Variants in RASSF3 observed in about 807,000 individuals in gnomAD.
RASSF3 encodes the protein ras association domain-containing protein 3.
Under a neutral mutation model 19.9 loss-of-function variants are expected in RASSF3, and 19 were observed. The observed-to-expected ratio is 0.96, with a 90% CI of 0.67 to 1.40. The LOEUF is 1.40. RASSF3 is among the 40% of genes most tolerant of loss of function. The probability of loss-of-function intolerance (pLI) is 0.00; values close to 1 mark genes in which losing one functional copy is unlikely to be tolerated. For synonymous variants in RASSF3, 110 were observed against 104.2 expected (o/e 1.06, Z -0.34); for missense variants, 306 against 289.8 (o/e 1.06, Z -0.41).
chr12:64,666,058 T>C (rs528765614), intron 1 of RASSF3, among the ~76,000 whole-genome samples: 1 of 152,362 alleles, frequency 6.6e-6, no homozygotes, highest in African/African-American at 2.4e-5. Context: ...TAGAAAGTAA[T>C]GAAAGGAAAA....
chr12:64,528,621 A>T (rs1348875309), upstream of RASSF3, among the ~76,000 whole-genome samples: 1 of 152,238 alleles, frequency 6.6e-6, no homozygotes, highest in Admixed American at 6.5e-5. Context: ...AAGAAACCTT[A>T]TGTATTAAAT....
chr12:64,570,466 T>C (rs1480810720), intron 2 of RASSF3, among the ~76,000 whole-genome samples: 2 of 152,202 alleles, frequency 1.3e-5, no homozygotes, highest in Non-Finnish European at 2.9e-5. Flanking sequence ...TCATTTCTGA[T>C]TTATGAATTC....
chr12:64,618,986 A>G (rs1232993807), intron 1 of RASSF3, among the ~76,000 whole-genome samples: 1 of 152,246 alleles, frequency 6.6e-6, no homozygotes, highest in Non-Finnish European at 1.5e-5. Context: ...ACATGTTGAA[A>G]TGATAATATT....
chr12:64,578,660 A>G (rs1465034657), intron 2 of RASSF3, among the ~76,000 whole-genome samples: 1 of 152,176 alleles, frequency 6.6e-6, no homozygotes, highest in Admixed American at 6.6e-5. Flanking sequence ...AGCAATAGAT[A>G]ATTAAATTGA....
intron 2 of RASSF3, among the ~76,000 whole-genome samples, chr12:64,561,718 T>C (rs1484200868): frequency 6.8e-6 from 1 of 147,524 alleles, no homozygotes; most frequent in Non-Finnish European, 1.5e-5. Context: ...CATTTATCTT[T>C]TTTTTTTTTT....
intron 1 of RASSF3, among the ~76,000 whole-genome samples, chr12:64,522,071 C>A (rs1471799631): frequency 6.6e-6 from 1 of 152,140 alleles, no homozygotes; most frequent in African/African-American, 2.4e-5. Context: ...GCACGGTAAA[C>A]TTTTTTGGAA....
chr12:64,574,145 A>G (rs1488981598), intron 2 of RASSF3, among the ~76,000 whole-genome samples: 2 of 151,592 alleles, frequency 1.3e-5, no homozygotes, highest in Non-Finnish European at 2.9e-5. Context: ...TCTACTAAAA[A>G]AAAAAAAATA....
intron 1 of RASSF3, among the ~76,000 whole-genome samples, chr12:64,526,149 T>C (rs1868581663): frequency 6.6e-6 from 1 of 152,258 alleles, no homozygotes; most frequent in East Asian, 1.9e-4. Context: ...GAAGGGACTA[T>C]GTATCTACAT....
At chr12:64,625,760 T>A (rs1401481152) in intron 1 of RASSF3, among the ~76,000 whole-genome samples, 1 of 152,072 alleles carries the variant, frequency 6.6e-6, no homozygotes, top group African/African-American at 2.4e-5. Flanking sequence ...CTGTTCTCTC[T>A]CCACAGAGTG....
intron 1 of RASSF3, among the ~76,000 whole-genome samples, chr12:64,672,864 A>G (rs1419635545): frequency 6.6e-6 from 1 of 152,036 alleles, no homozygotes; most frequent in Non-Finnish European, 1.5e-5. Context: ...TCTCCCTTCA[A>G]ATTAGGTTTC....
chr12:64,548,905 G>A (rs796216614), intron 2 of RASSF3, among the ~76,000 whole-genome samples: 144 of 152,318 alleles, frequency 9.5e-4, no homozygotes, highest in African/African-American at 3.3e-3. Flanking sequence ...TTAAGACTCA[G>A]AGGTTAGTAA....
chr12:64,649,553 G>T (rs1433609720), intron 1 of RASSF3, among the ~76,000 whole-genome samples: 4 of 152,186 alleles, frequency 2.6e-5, no homozygotes, highest in African/African-American at 7.2e-5. Flanking sequence ...CACTCTGCAG[G>T]TAAGAAGCAG....
intron 2 of RASSF3, among the ~76,000 whole-genome samples, chr12:64,585,233 T>C (rs17763843): frequency 0.34 from 52,011 of 151,982 alleles, 10,985 homozygotes; most frequent in Non-Finnish European, 0.47. Flanking sequence ...TTAAAATCCC[T>C]ACTTCCCTAA....
intron 1 of RASSF3, among the ~76,000 whole-genome samples, chr12:64,647,561 C>A (rs936405785): frequency 6.6e-6 from 1 of 152,052 alleles, no homozygotes; most frequent in Non-Finnish European, 1.5e-5. Flanking sequence ...CAGGCATCCA[C>A]CACCACGCCC....
chr12:64,549,687 C>T (rs909370870), intron 2 of RASSF3, among the ~76,000 whole-genome samples: 4 of 152,162 alleles, frequency 2.6e-5, no homozygotes, highest in Admixed American at 2.6e-4. Context: ...CGGCCAGCAG[C>T]CAGCACAGCC....
intron 4 of RASSF3, among the ~76,000 whole-genome samples, chr12:64,694,237 G>A (rs531398902): frequency 6.6e-6 from 1 of 152,248 alleles, no homozygotes; most frequent in Non-Finnish European, 1.5e-5. Context: ...AACAGATGGG[G>A]GAGCATAAGA....
rs551375272 is a variant in RASSF3, at chr12:64,577,560, C to T, written c.294+35855C>T. 1.5e-4 allele frequency among the ~76,000 whole-genome samples: 23 copies of T among 151,842 alleles called. No individual in the cohort carries two copies. In the South Asian group the frequency reaches 3.3e-3, roughly 22 times the overall value. ...AGCCTGGCCAACATGGGGGAATCCC[C>T]GTCTCTACTAGAAATACAAAAATTA... On this transcript the variant is annotated intron_variant, in intron 2 of 5. Transcript: ENST00000637125.
rs1342968222 is a variant in RASSF3 at position 64,525,822 on chromosome 12, GA to G, written c.170-15758del. Among the ~76,000 whole-genome samples the G allele has an allele frequency of 2.0e-5, 3 of 152,066 alleles. 1 individual carries two copies. The highest frequency in any genetic ancestry group is 4.4e-5 in the Non-Finnish European group (3 of 68,022). On this transcript the variant is annotated intron_variant, in intron 1 of 5. Transcript: ENST00000637125. Reference sequence around the variant, plus strand: ...ATATAGATCTACTGTCAGAATAGACGAGAATAAAGGCCATTTGATTCCTCGC... The same window carrying G: ...ATATAGATCTACTGTCAGAATAGACGGAATAAAGGCCATTTGATTCCTCGC...
At chr12:64,628,043 G>A (rs1321247957) in intron 1 of RASSF3, among the ~76,000 whole-genome samples, 1 of 152,200 alleles carries the variant, frequency 6.6e-6, no homozygotes, top group Non-Finnish European at 1.5e-5. Flanking sequence ...GAGAACCCAA[G>A]TGAGTTGAGT....
Sources: allele counts gnomAD v4.1 joint callset (sites outside exome capture counted in the v4.1 genomes callset), GRCh38; gene constraint gnomAD v4.1.1; transcripts MANE v1.5; gene names NCBI Gene and HGNC (gene_info 2026-07-23, HGNC 2026-07-21).